FAM210A: variants seen among roughly 807,000 people sequenced by gnomAD.
FAM210A encodes the protein mitochondrial inner membrane scaffold 1, also known as family with sequence similarity 210 member A.
A neutral mutation model predicts 25.3 loss-of-function variants in FAM210A; 13 were observed. The observed-to-expected ratio is 0.51, with a 90% CI of 0.33 to 0.82. FAM210A has a LOEUF of 0.82. Ranked by LOEUF, FAM210A falls within the 40% of genes least tolerant of loss-of-function variation. FAM210A has a pLI of 0.02. For synonymous variants in FAM210A, 125 were observed against 118.7 expected, an observed-to-expected ratio of 1.05 and a Z score of -0.35; for missense variants, 319 against 323.2, an observed-to-expected ratio of 0.99 and a Z score of 0.10.
intron 3 of FAM210A, among the ~76,000 whole-genome samples, chr18:13,669,624 C>A (rs2043426808): frequency 6.6e-6 from 1 of 152,180 alleles, no homozygotes; most frequent in African/African-American, 2.4e-5. Context: ...CATCTACGTA[C>A]ACACACTTTG....
chr18:13,717,040 T>C (rs1331432650), intron 1 of FAM210A, among the ~76,000 whole-genome samples: 2 of 152,280 alleles, frequency 1.3e-5, no homozygotes, highest in Non-Finnish European at 2.9e-5. Flanking sequence ...TCTTTATTGT[T>C]AATGCCAACT....
chr18:13,666,878 CA>C (rs2043405585), intron 3 of FAM210A, among the ~76,000 whole-genome samples, 165 bp from the exon 4 acceptor site: 1 of 152,220 alleles, frequency 6.6e-6, no homozygotes, highest in Non-Finnish European at 1.5e-5. Context: ...TCCCTCCTAA[CA>C]AGAGATATTT....
At chr18:13,703,807 A>C (rs1374094668) in intron 1 of FAM210A, among the ~76,000 whole-genome samples, 1 of 152,252 alleles carries the variant, frequency 6.6e-6, no homozygotes, top group African/African-American at 2.4e-5. Flanking sequence ...CTTTTAGTTC[A>C]CATAACTTTA....
At chr18:13,691,262 G>T (rs1368971780) in intron 1 of FAM210A, among the ~76,000 whole-genome samples, 1 of 152,206 alleles carries the variant, frequency 6.6e-6, no homozygotes. Flanking sequence ...TATGTGAAAA[G>T]ACCAAATCTA....
At chr18:13,709,287 C>T (rs986489592) in intron 1 of FAM210A, among the ~76,000 whole-genome samples, 1 of 152,224 alleles carries the variant, frequency 6.6e-6, no homozygotes, top group East Asian at 1.9e-4. Flanking sequence ...TCTGTACCCC[C>T]TCCACACACC....
intron 2 of FAM210A, among the ~76,000 whole-genome samples, chr18:13,673,536 T>A (rs9949404): frequency 0.32 from 46,107 of 146,284 alleles, 7,749 homozygotes; most frequent in East Asian, 0.77. Context: ...GTTTCCTGAT[T>A]ATTAACATTC....
intron 2 of FAM210A, among the ~76,000 whole-genome samples, chr18:13,679,386 T>A (rs959681246): frequency 1.7e-4 from 26 of 152,380 alleles, no homozygotes; most frequent in African/African-American, 6.0e-4. Context: ...GTATTTAGTA[T>A]AATCAACTTC....
chr18:13,708,548 T>C (rs1337045102), intron 1 of FAM210A, among the ~76,000 whole-genome samples: 2 of 152,226 alleles, frequency 1.3e-5, no homozygotes, highest in Non-Finnish European at 2.9e-5. Flanking sequence ...GTTACGGGGA[T>C]TGTTATTAAT....
At chr18:13,672,576 A>AT in intron 2 of FAM210A, among the ~76,000 whole-genome samples, 1 of 152,130 alleles carries the variant, frequency 6.6e-6, no homozygotes, top group African/African-American at 2.4e-5. Flanking sequence ...CGCCTAGCTA[A>AT]TTTTTGTATT....
chr18:13,695,994 AATAAT>A (rs1180508091), intron 1 of FAM210A, among the ~76,000 whole-genome samples: 1 of 152,208 alleles, frequency 6.6e-6, no homozygotes, highest in Non-Finnish European at 1.5e-5. Context: ...CCATTTATAT[AATAAT>A]ATACTCTCCC....
rs75315862 is a variant in FAM210A, at chr18:13,667,655, T to C, written c.586-942A>G. Among the ~76,000 whole-genome samples the C allele has an allele frequency of 3.9e-3, 596 of 151,292 alleles. 7 individuals carry two copies. Among genetic ancestry groups the C allele is most frequent in the African/African-American group, 0.014 (573 of 41,180 alleles). The stretch of plus-strand genomic sequence containing the variant: ...AATCGCTTGAACCCGGTGGCAGAGG[T>C]TGCAGCGAACCGAGATTGTACCATT... On this transcript the variant is annotated intron_variant, in intron 3 of 3. Coordinates refer to ENST00000651643, the MANE Select transcript of FAM210A (RefSeq NM_152352.4).
intron 1 of FAM210A, among the ~76,000 whole-genome samples, chr18:13,705,595 C>G (rs1325089094): frequency 6.6e-6 from 1 of 152,124 alleles, no homozygotes; most frequent in Non-Finnish European, 1.5e-5. Flanking sequence ...CCTCAGCCTC[C>G]CGAGTGGCTG....
intron 1 of FAM210A, among the ~76,000 whole-genome samples, chr18:13,688,041 A>C (rs2043611256): frequency 6.6e-6 from 1 of 152,118 alleles, no homozygotes. Flanking sequence ...CGGCTCTCCA[A>C]AAGACTCCAC....
At chr18:13,676,934 TGCA>T (rs986621498) in intron 2 of FAM210A, among the ~76,000 whole-genome samples, 1 of 152,136 alleles carries the variant, frequency 6.6e-6, no homozygotes, top group African/African-American at 2.4e-5. Flanking sequence ...CCATCCTTAG[TGCA>T]GCAGGACGAG....
At chr18:13,724,859 C>T (rs1219120208) in intron 1 of FAM210A, among the ~76,000 whole-genome samples, 4 of 152,166 alleles carry the variant, frequency 2.6e-5, no homozygotes, top group Non-Finnish European at 5.9e-5. Context: ...CTGCAACCTC[C>T]GCCTTCCGGG....
At chr18:13,713,754 G>A (rs1034557319) in intron 1 of FAM210A, among the ~76,000 whole-genome samples, 3 of 16,762 alleles carry the variant, frequency 1.8e-4, no homozygotes, top group African/African-American at 3.5e-4. Context: ...ACACACACAC[G>A]TTTAGAGACA....
chr18:13,694,593 C>T (rs1190286742), intron 1 of FAM210A, among the ~76,000 whole-genome samples: 1 of 152,124 alleles, frequency 6.6e-6, no homozygotes, highest in Non-Finnish European at 1.5e-5. Context: ...CTTTGACAAA[C>T]CTGACAAAAA....
intron 2 of FAM210A, among the ~76,000 whole-genome samples, chr18:13,673,893 A>T (rs1464005158): frequency 8.6e-6 from 1 of 115,872 alleles, no homozygotes; most frequent in Non-Finnish European, 1.8e-5. Flanking sequence ...CTGATTATTA[A>T]CATTCCTGAG....
intron 1 of FAM210A, among the ~76,000 whole-genome samples, chr18:13,691,099 C>T (rs143561768): frequency 2.6e-5 from 4 of 152,236 alleles, no homozygotes; most frequent in East Asian, 1.9e-4. Flanking sequence ...ACGAGAACTA[C>T]GTGACGTGTG....
Sources: allele counts gnomAD v4.1 joint callset (sites outside exome capture counted in the v4.1 genomes callset), GRCh38; gene constraint gnomAD v4.1.1; transcripts MANE v1.5; gene names NCBI Gene and HGNC (gene_info 2026-07-23, HGNC 2026-07-21).